The following MYT1L variants were observed in gnomAD, a reference collection of about 807,000 sequenced individuals.
MYT1L encodes the protein myelin transcription factor 1-like protein.
In MYT1L, 12 loss-of-function variants were observed where a neutral mutation model predicts 126.7. The ratio of observed to expected loss-of-function variants is 0.09; its 90% CI spans 0.06 to 0.15. MYT1L has a LOEUF of 0.15. MYT1L is among the 10% of genes least tolerant of loss of function. The pLI is 1.00. For synonymous variants in MYT1L, 541 were observed against 604.2 expected (o/e 0.90, Z 1.53); for missense variants, 979 against 1,585.2 (o/e 0.62, Z 6.49).
At chr2:2,240,225 G>A (rs1206573689) in intron 2 of MYT1L, among the ~76,000 whole-genome samples, 9 of 152,210 alleles carry the variant, frequency 5.9e-5, no homozygotes, top group Non-Finnish European at 8.8e-5. Context: ...ACCAGGAGGC[G>A]GAGGTTGCAG....
intron 1 of MYT1L, among the ~76,000 whole-genome samples, chr2:2,293,331 G>A (rs2095626632): frequency 6.6e-6 from 1 of 152,222 alleles, no homozygotes; most frequent in South Asian, 2.1e-4. Context: ...GAAAAAGGAA[G>A]AGTGAGGGCT....
intron 4 of MYT1L, among the ~76,000 whole-genome samples, chr2:2,007,064 TC>T (rs1038571460): frequency 8.6e-5 from 13 of 151,058 alleles, no homozygotes. Flanking sequence ...TATATATATA[TC>T]CCCCACATTT....
At chr2:2,080,509 A>C (rs1189220944) in intron 3 of MYT1L, among the ~76,000 whole-genome samples, 1 of 152,242 alleles carries the variant, frequency 6.6e-6, no homozygotes, top group African/African-American at 2.4e-5. Context: ...AATAATGTAC[A>C]AATGATTTGA....
chr2:1,977,651 A>T (rs560824481), intron 8 of MYT1L, among the ~76,000 whole-genome samples: 59 of 152,340 alleles, frequency 3.9e-4, no homozygotes, highest in Admixed American at 7.8e-4. Context: ...CCCCCTAAGT[A>T]TATACACCTA....
intron 3 of MYT1L, among the ~76,000 whole-genome samples, chr2:2,160,657 A>T (rs1317796402): frequency 1.3e-5 from 2 of 152,198 alleles, no homozygotes; most frequent in Non-Finnish European, 2.9e-5. Flanking sequence ...AAGATGCCAC[A>T]AGATCAAAGC....
intron 18 of MYT1L, among the ~76,000 whole-genome samples, chr2:1,867,022 GGA>G (rs1352501534): frequency 7.1e-6 from 1 of 141,788 alleles, no homozygotes; most frequent in Non-Finnish European, 1.5e-5. Context: ...GAGGGATGGG[GGA>G]GAGAGGGAGA....
At chr2:1,826,355 T>C (rs12622002) in intron 21 of MYT1L, among the ~76,000 whole-genome samples, 64,720 of 151,902 alleles carry the variant, frequency 0.43, 15,745 homozygotes, top group East Asian at 0.68. Flanking sequence ...GCTTGCCAGG[T>C]CCTGGGGAGG....
intron 14 of MYT1L, among the ~76,000 whole-genome samples, chr2:1,895,851 A>G: frequency 6.6e-6 from 1 of 152,214 alleles, no homozygotes; most frequent in Admixed American, 6.5e-5. Context: ...GACCTAATTA[A>G]ACAAAAGAGC....
chr2:2,296,351 C>T (rs539266705), intron 1 of MYT1L, among the ~76,000 whole-genome samples: 1 of 151,816 alleles, frequency 6.6e-6, no homozygotes, highest in South Asian at 2.1e-4. Flanking sequence ...GTCACTAGTC[C>T]CATTTAGATC....
rs559069964 is a variant in MYT1L at position 1,793,728 on chromosome 2, T to C, written c.3277-1264A>G. ...CCATTCCTGCAGGGACGGTCCCCTG[T>C]GGAGAACACACTGAAATCACACAGA... On this transcript the variant is annotated intron_variant, in intron 23 of 24. Coordinates refer to ENST00000647738, the MANE Select transcript of MYT1L (RefSeq NM_001303052.2). The surrounding 1 kb of genome is among the most constrained non-coding windows in gnomAD (Gnocchi z 4.6). Among the ~76,000 whole-genome samples, 1 of 152,178 alleles carries C rather than the reference T, an allele frequency of 6.6e-6. No individual in the cohort carries two copies. Among genetic ancestry groups the C allele is most frequent in the East Asian group, 1.9e-4 (1 of 5,170 alleles).
chr2:1,863,712 C>T (rs1186170319), intron 18 of MYT1L, among the ~76,000 whole-genome samples: 1 of 143,984 alleles, frequency 6.9e-6, no homozygotes, highest in Non-Finnish European at 1.5e-5. Context: ...AGTGGAAGGA[C>T]TTGAACCATG....
At chr2:2,012,033 C>T (rs1267173650) in intron 4 of MYT1L, among the ~76,000 whole-genome samples, 1 of 152,178 alleles carries the variant, frequency 6.6e-6, no homozygotes, top group Non-Finnish European at 1.5e-5. Context: ...AGCTCCTGAA[C>T]GGATTCACCA....
At chr2:2,042,638 G>A (rs1378018707) in intron 4 of MYT1L, among the ~76,000 whole-genome samples, 1 of 151,870 alleles carries the variant, frequency 6.6e-6, no homozygotes, top group Non-Finnish European at 1.5e-5. Context: ...AATTTAAAAG[G>A]GCCTCAGAAC....
chr2:2,188,571 A>G (rs1243575326), intron 2 of MYT1L, among the ~76,000 whole-genome samples: 1 of 152,202 alleles, frequency 6.6e-6, no homozygotes, highest in African/African-American at 2.4e-5. Flanking sequence ...TGCCTGGGCT[A>G]GGTCTATTAA....
intron 18 of MYT1L, among the ~76,000 whole-genome samples, chr2:1,882,528 G>T (rs1416523219): frequency 6.6e-6 from 1 of 152,160 alleles, no homozygotes. Context: ...TTTACACAGA[G>T]GTCAACTCAT....
In MYT1L at chr2:2,136,257, G is replaced by T. The variant is rs73173997; in HGVS notation, c.-304+36615C>A. On this transcript the variant is annotated intron_variant, in intron 3 of 24. Transcript: ENST00000647738. ...GCCAATTTGTTCTTTCTGTCCCTTA[G>T]CAGTCCTTTCAGAAACTGCATATTC... Among the ~76,000 whole-genome samples the T allele has an allele frequency of 8.5e-3, 1,294 of 152,314 alleles. 19 individuals are homozygous for T. The highest frequency in any genetic ancestry group is 0.029 in the African/African-American group (1,220 of 41,570).
intron 3 of MYT1L, among the ~76,000 whole-genome samples, chr2:2,099,546 T>C (rs2077816269): frequency 6.6e-6 from 1 of 152,214 alleles, no homozygotes; most frequent in South Asian, 2.1e-4. Context: ...AGAAATGTTA[T>C]TACCACACTT....
At chr2:2,174,425 T>A (rs2090470182) in intron 2 of MYT1L, among the ~76,000 whole-genome samples, 1 of 152,182 alleles carries the variant, frequency 6.6e-6, no homozygotes. Context: ...CACCTTGAAA[T>A]CATCTACAAA....
intron 16 of MYT1L, among the ~76,000 whole-genome samples, chr2:1,888,310 A>G (rs906460104): frequency 6.6e-6 from 1 of 152,208 alleles, no homozygotes; most frequent in Non-Finnish European, 1.5e-5. Flanking sequence ...TTTGGTAGTA[A>G]TGATTCAACA....
Sources: allele counts gnomAD v4.1 joint callset (sites outside exome capture counted in the v4.1 genomes callset), GRCh38; gene constraint gnomAD v4.1.1; non-coding constraint Gnocchi (gnomAD v3.1); transcripts MANE v1.5; gene names NCBI Gene and HGNC (gene_info 2026-07-23, HGNC 2026-07-21).